LINGO2: variants seen among roughly 807,000 people sequenced by gnomAD.
The protein encoded by LINGO2 is leucine-rich repeat and immunoglobulin-like domain-containing nogo receptor-interacting protein 2.
In LINGO2, 14 loss-of-function variants were observed where a neutral mutation model predicts 30.6. The observed-to-expected ratio is 0.46, with a 90% CI of 0.30 to 0.72. The LOEUF (loss-of-function observed/expected upper bound fraction) is 0.72, where lower values mean the gene tolerates loss of function less well. Among genes scored for constraint, LINGO2 ranks in the 30% least tolerant of loss-of-function variants. The probability of loss-of-function intolerance (pLI) is 0.07; values close to 1 mark genes in which losing one functional copy is unlikely to be tolerated. For synonymous variants in LINGO2, 317 were observed against 288.5 expected, an observed-to-expected ratio of 1.10 and a Z score of -1.00; for missense variants, 729 against 751.7, an observed-to-expected ratio of 0.97 and a Z score of 0.35.
the LINGO2 span, among the ~76,000 whole-genome samples, chr9:28,991,660 G>T: frequency 2.0e-5 from 3 of 150,174 alleles, no homozygotes; most frequent in Non-Finnish European, 3.0e-5. Context: ...GACTAACAGC[G>T]GATCTCTCGG....
At chr9:28,822,581 A>C in the LINGO2 span, among the ~76,000 whole-genome samples, 1,382 of 152,180 alleles carry the variant, frequency 9.1e-3, 22 homozygotes, top group African/African-American at 0.032. Context: ...GCATGGCTAG[A>C]ATATAAAACA....
At chr9:29,083,592 A>G in the LINGO2 span, among the ~76,000 whole-genome samples, 4 of 151,982 alleles carry the variant, frequency 2.6e-5, no homozygotes, top group Non-Finnish European at 4.4e-5. Context: ...ATAATAAAAA[A>G]AAGAAGAATG....
chr9:28,181,864 C>G (rs1376636268), intron 4 of LINGO2, among the ~76,000 whole-genome samples: 2 of 152,094 alleles, frequency 1.3e-5, no homozygotes, highest in Non-Finnish European at 2.9e-5. Context: ...GAAGAATCAA[C>G]ATCATGAAAA....
chr9:29,019,038 T>G, the LINGO2 span, among the ~76,000 whole-genome samples: 1 of 152,176 alleles, frequency 6.6e-6, no homozygotes, highest in Non-Finnish European at 1.5e-5. Context: ...ACCTGAGAGG[T>G]ATTTTTAAGT....
intron 1 of LINGO2, among the ~76,000 whole-genome samples, chr9:28,578,664 T>C (rs1197987156): frequency 6.6e-6 from 1 of 152,120 alleles, no homozygotes; most frequent in Non-Finnish European, 1.5e-5. Context: ...TTGGTCATTA[T>C]AGTTATAAAT....
the LINGO2 span, among the ~76,000 whole-genome samples, chr9:28,723,699 T>A: frequency 6.6e-6 from 1 of 152,074 alleles, no homozygotes; most frequent in Non-Finnish European, 1.5e-5. Context: ...CAGTCCTCTT[T>A]CCTCACAGAA....
At chr9:28,498,399 ATC>A (rs1435345348) in intron 1 of LINGO2, among the ~76,000 whole-genome samples, 1 of 152,152 alleles carries the variant, frequency 6.6e-6, no homozygotes, top group African/African-American at 2.4e-5. Flanking sequence ...TTGCAGTTAG[ATC>A]TCAGACTGCT....
intron 4 of LINGO2, among the ~76,000 whole-genome samples, chr9:28,222,488 C>T (rs574432343): frequency 4.7e-4 from 71 of 151,628 alleles, no homozygotes; most frequent in Non-Finnish European, 9.0e-4. Flanking sequence ...TTCCCAGCTG[C>T]TCACCTTAAA....
At chr9:28,848,061 AT>A in the LINGO2 span, among the ~76,000 whole-genome samples, 1 of 49,736 alleles carries the variant, frequency 2.0e-5, no homozygotes, top group African/African-American at 1.3e-4. Flanking sequence ...ATATATATAT[AT>A]GTATATAATA....
chr9:29,025,525 T>C, the LINGO2 span, among the ~76,000 whole-genome samples: 2 of 152,162 alleles, frequency 1.3e-5, no homozygotes, highest in African/African-American at 2.4e-5. Flanking sequence ...GATACTTCTA[T>C]GACTTTTTGA....
chr9:28,493,680 C>T (rs1172704510), intron 1 of LINGO2, among the ~76,000 whole-genome samples: 1 of 152,054 alleles, frequency 6.6e-6, no homozygotes, highest in Non-Finnish European at 1.5e-5. Flanking sequence ...AATTTTGTCC[C>T]TAGGTGTTGT....
intron 4 of LINGO2, among the ~76,000 whole-genome samples, chr9:28,189,669 GAGGAAGGAAGGA>G (rs67156474): frequency 2.6e-4 from 5 of 19,576 alleles, no homozygotes; most frequent in Non-Finnish European, 5.0e-4. Context: ...GGAAGGAAGG[GAGGAAGGAAGGA>G]AGGGAGGAAG....
At chr9:29,201,615 T>TAGAA in the LINGO2 span, among the ~76,000 whole-genome samples, 77,886 of 151,448 alleles carry the variant, frequency 0.51, 20,584 homozygotes, top group East Asian at 0.8. Flanking sequence ...GAAAATCCAA[T>TAGAA]AGAAAGAGAT....
chr9:28,596,897 C>T (rs1236724445), intron 1 of LINGO2, among the ~76,000 whole-genome samples: 5 of 152,032 alleles, frequency 3.3e-5, no homozygotes, highest in African/African-American at 9.7e-5. Context: ...TCCAGGCACC[C>T]GGTAAACAAG....
the LINGO2 span, among the ~76,000 whole-genome samples, chr9:28,766,286 G>T: frequency 1.6e-3 from 247 of 151,796 alleles, 4 homozygotes; most frequent in African/African-American, 5.3e-3. Flanking sequence ...AAGGGCAAAG[G>T]ATCTGAATAG....
At chr9:27,948,906 G>T (rs368628992) in exon 6 of LINGO2, 1 of 1,613,982 alleles carries the variant, frequency 6.2e-7, no homozygotes, top group Non-Finnish European at 8.5e-7. Context: ...TTCCACAACA[G>T]CACCATTGTT....
intron 1 of LINGO2, among the ~76,000 whole-genome samples, chr9:28,536,663 T>TTTGTG (rs1821449291): frequency 6.6e-6 from 1 of 152,128 alleles, no homozygotes; most frequent in African/African-American, 2.4e-5. Flanking sequence ...GTGATAAATA[T>TTTGTG]ACACTTTTTG....
intron 1 of LINGO2, among the ~76,000 whole-genome samples, chr9:28,534,000 GTTAGGCCTT>G (rs1374541691): frequency 6.6e-6 from 1 of 152,110 alleles, no homozygotes; most frequent in East Asian, 1.9e-4. Context: ...GATTATTGTT[GTTAGGCCTT>G]TTCAACTTAA....
At chr9:28,373,638 G>A (rs1435730699) in intron 2 of LINGO2, among the ~76,000 whole-genome samples, 1 of 152,136 alleles carries the variant, frequency 6.6e-6, no homozygotes, top group Non-Finnish European at 1.5e-5. Context: ...AGTGGCTCAT[G>A]CCTGTAATCC....
Sources: allele counts gnomAD v4.1 joint callset (sites outside exome capture counted in the v4.1 genomes callset), GRCh38; gene constraint gnomAD v4.1.1; transcripts MANE v1.5; gene names NCBI Gene and HGNC (gene_info 2026-07-23, HGNC 2026-07-21).